LRRC4C: variants seen among roughly 807,000 people sequenced by gnomAD.
The protein encoded by LRRC4C is leucine rich repeat containing 4C.
In LRRC4C, 5 loss-of-function variants were observed where a neutral mutation model predicts 33.6. The ratio of observed to expected loss-of-function variants is 0.15; its 90% confidence interval spans 0.08 to 0.31. The LOEUF (loss-of-function observed/expected upper bound fraction) is 0.31, where lower values mean the gene tolerates loss of function less well. Among genes scored for constraint, LRRC4C ranks in the 10% least tolerant of loss-of-function variants. The pLI is 1.00. For missense variants in LRRC4C, 560 were observed against 796.7 expected, an observed-to-expected ratio of 0.70 and a Z score of 3.58; for synonymous variants, 329 against 302.0, an observed-to-expected ratio of 1.09 and a Z score of -0.93.
chr11:40,147,753 CTTTTG>C (rs1006790855), intron 5 of LRRC4C, among the ~76,000 whole-genome samples: 12 of 151,710 alleles, frequency 7.9e-5, no homozygotes, highest in African/African-American at 2.9e-4. Context: ...TTTTATGTAA[CTTTTG>C]TTTTAAGTTC....
chr11:41,441,351 T>C (rs1565675760), intron 1 of LRRC4C, among the ~76,000 whole-genome samples: 1 of 152,018 alleles, frequency 6.6e-6, no homozygotes, highest in African/African-American at 2.4e-5. Context: ...TCATTAGCAG[T>C]CAGGGTGGCT....
chr11:41,165,267 C>A (rs886635017), intron 1 of LRRC4C, among the ~76,000 whole-genome samples: 2 of 152,068 alleles, frequency 1.3e-5, no homozygotes, highest in Non-Finnish European at 2.9e-5. Context: ...AGTCTGATCA[C>A]CCCAGCAATA....
intron 1 of LRRC4C, among the ~76,000 whole-genome samples, chr11:41,349,966 C>T (rs189975662): frequency 2.0e-4 from 29 of 148,584 alleles, no homozygotes; most frequent in Admixed American, 1.5e-3. Flanking sequence ...CAAATCTCCT[C>T]AGTGTCTGGC....
At chr11:40,219,047 A>G (rs1864213057) in intron 5 of LRRC4C, among the ~76,000 whole-genome samples, 1 of 152,110 alleles carries the variant, frequency 6.6e-6, no homozygotes, top group African/African-American at 2.4e-5. Flanking sequence ...TATAATTGCA[A>G]TCACTTTTCT....
intron 1 of LRRC4C, among the ~76,000 whole-genome samples, chr11:41,269,834 A>C (rs1024561436): frequency 7.9e-5 from 12 of 152,102 alleles, no homozygotes; most frequent in African/African-American, 2.9e-4. Flanking sequence ...TTAAAAGATT[A>C]CTGTGTCCAT....
At position 41,044,722 on chromosome 11, in the gene LRRC4C, CT is replaced by C. The variant is rs373481111; in HGVS notation, c.-495-111000del. ...AAGTAGAACGCAGTTATGTGATATA[CT>C]AGTGGAGAAAACTGTCTTCAAAAAT... On this transcript the variant is annotated intron_variant, in intron 1 of 6. Coordinates refer to ENST00000528697, the MANE Select transcript of LRRC4C (RefSeq NM_001258419.2). Among the ~76,000 whole-genome samples, 47 of 152,218 alleles carry C rather than the reference CT, an allele frequency of 3.1e-4. No homozygotes were observed. The East Asian group carries it at 7.9e-3, about 26-fold the overall frequency.
chr11:41,444,446 G>A (rs541930251), intron 1 of LRRC4C, among the ~76,000 whole-genome samples: 4 of 152,306 alleles, frequency 2.6e-5, no homozygotes, highest in East Asian at 1.9e-4. Context: ...TATAAGGAAC[G>A]TGAGCATCCA....
chr11:40,386,809 C>T (rs1313261301), intron 3 of LRRC4C, among the ~76,000 whole-genome samples: 1 of 151,990 alleles, frequency 6.6e-6, no homozygotes, highest in Non-Finnish European at 1.5e-5. Flanking sequence ...TGTCTCTTAC[C>T]AGGCACAGCT....
At chr11:40,627,899 A>G (rs1380280427) in intron 3 of LRRC4C, among the ~76,000 whole-genome samples, 4 of 152,190 alleles carry the variant, frequency 2.6e-5, no homozygotes, top group Admixed American at 6.5e-5. Flanking sequence ...AGAGTCACGT[A>G]ATATTGTAAT....
intron 1 of LRRC4C, among the ~76,000 whole-genome samples, chr11:41,388,330 G>C (rs12797115): frequency 0.25 from 38,208 of 151,722 alleles, 5,621 homozygotes; most frequent in East Asian, 0.42. Flanking sequence ...CTTACACATA[G>C]GGCAATATAT....
intron 4 of LRRC4C, among the ~76,000 whole-genome samples, chr11:40,278,800 G>A (rs112842960): frequency 7.4e-6 from 1 of 135,478 alleles, no homozygotes; most frequent in Admixed American, 7.6e-5. Context: ...ATATTAGTGG[G>A]TTTTGTCTCC....
intron 1 of LRRC4C, among the ~76,000 whole-genome samples, chr11:41,131,790 T>A (rs887595528): frequency 6.6e-6 from 1 of 152,084 alleles, no homozygotes; most frequent in Non-Finnish European, 1.5e-5. Flanking sequence ...CCTCTGTTCA[T>A]CCTCACTGTT....
At chr11:40,500,281 TATATATATATATAC>T (rs1324152136) in intron 3 of LRRC4C, among the ~76,000 whole-genome samples, 5 of 64,064 alleles carry the variant, frequency 7.8e-5, no homozygotes, top group Non-Finnish European at 1.2e-4. Context: ...GATATATATA[TATATATATATATAC>T]ACACACACAC....
chr11:41,230,491 G>A (rs1677899181), intron 1 of LRRC4C, among the ~76,000 whole-genome samples: 1 of 152,040 alleles, frequency 6.6e-6, no homozygotes, highest in South Asian at 2.1e-4. Flanking sequence ...AGCTTAAGCA[G>A]CTATCCTTAA....
chr11:41,252,296 G>T (rs1948665558), intron 1 of LRRC4C, among the ~76,000 whole-genome samples: 1 of 152,230 alleles, frequency 6.6e-6, no homozygotes, highest in Middle Eastern at 3.4e-3. Flanking sequence ...CCTTTTAATA[G>T]AAACTAGGAG....
chr11:41,270,184 T>C (rs1949276492), intron 1 of LRRC4C, among the ~76,000 whole-genome samples: 1 of 152,076 alleles, frequency 6.6e-6, no homozygotes, highest in African/African-American at 2.4e-5. Context: ...CTGGGAAATA[T>C]CAAGAGAAAA....
intron 3 of LRRC4C, among the ~76,000 whole-genome samples, chr11:40,614,165 A>C (rs372469242): frequency 5.3e-5 from 8 of 151,892 alleles, no homozygotes; most frequent in Admixed American, 1.3e-4. Context: ...TCTAGCTATT[A>C]AAGTCCCAGA....
chr11:40,155,535 AC>A (rs751751238), intron 5 of LRRC4C, among the ~76,000 whole-genome samples: 8 of 152,104 alleles, frequency 5.3e-5, no homozygotes, highest in Non-Finnish European at 8.8e-5. Context: ...TACAACTGAC[AC>A]CACTGAAATA....
chr11:40,467,510 T>C (rs1325572319), intron 3 of LRRC4C, among the ~76,000 whole-genome samples: 2 of 152,100 alleles, frequency 1.3e-5, no homozygotes, highest in Non-Finnish European at 2.9e-5. Context: ...GAAAAAATTT[T>C]TAGAGCGCTG....
Sources: gnomAD v4.1 joint callset for allele counts (sites outside exome capture counted in the v4.1 genomes callset) on GRCh38, gnomAD v4.1.1 for gene constraint, MANE v1.5 for transcripts, NCBI Gene and HGNC (gene_info 2026-07-23, HGNC 2026-07-21) for gene names.